The following MTOR variants were observed in gnomAD, a reference collection of about 807,000 sequenced individuals.
MTOR encodes serine/threonine-protein kinase mTOR.
In MTOR, 70 loss-of-function variants were observed where a neutral mutation model predicts 319.8. That is an observed-to-expected ratio of 0.22 (90% CI 0.18 to 0.27). MTOR has a LOEUF of 0.27. Ranked by LOEUF, MTOR falls within the 10% of genes least tolerant of loss-of-function variation. MTOR has a pLI of 1.00. For missense variants in MTOR, 1,890 were observed against 3,274.4 expected (o/e 0.58, Z 10.32); for synonymous variants, 1,183 against 1,211.4 (o/e 0.98, Z 0.49).
Position 11,237,970 on chromosome 1 carries a change from T to C in MTOR, c.2081A>G (p.Gln694Arg), listed in dbSNP as rs767294162. ...DAHLAQAENLQALFVALNDQV... is the reference protein window; with the variant it reads ...DAHLAQAENLRALFVALNDQV... The stretch of plus-strand genomic sequence containing the variant: ...GTCATTCAGAGCCACAAACAAGGCC[T>C]GCAAGTTCTCCGCCTGGGCCAGGTG... Residue 694 changes from glutamine (Q) to arginine (R), a missense_variant, in exon 13 of 58, where the codon CAG becomes CGG. Around this residue, in one of 15 missense-constraint regions of MTOR, gnomAD observed 377 missense variants for 653.9 expected, o/e 0.58. Transcript: ENST00000361445. The C allele has an allele frequency of 6.2e-7, 1 of 1,614,100 alleles. No homozygotes were observed. The highest frequency in any genetic ancestry group is 1.3e-5 in the African/African-American group (1 of 74,946).
intron 29 of MTOR, among the ~76,000 whole-genome samples, chr1:11,157,614 CAG>C (rs974135820): frequency 2.0e-5 from 3 of 152,086 alleles, no homozygotes; most frequent in African/African-American, 7.2e-5. Flanking sequence ...GACACGAGGA[CAG>C]GGGAAATCAT....
At chr1:11,118,172 C>A (rs1642274645) in intron 49 of MTOR, among the ~76,000 whole-genome samples, 1 of 149,678 alleles carries the variant, frequency 6.7e-6, no homozygotes, top group Admixed American at 6.7e-5. Context: ...ACAGTGTGGT[C>A]ATGGCTAGTC....
chr1:11,143,942 C>G (rs1401644557), intron 34 of MTOR: 1 of 152,190 alleles, frequency 6.6e-6, no homozygotes, highest in Non-Finnish European at 1.5e-5. Context: ...AGACTCCTGA[C>G]TCCCAGACCT....
chr1:11,114,743 A>G lies in MTOR; in HGVS notation c.7164+70T>C, dbSNP rs1642073893. 7 of 1,460,532 alleles carry G rather than the reference A, an allele frequency of 4.8e-6. No individual in the cohort carries two copies. The Admixed American group carries it at 7.0e-5, about 15-fold the overall frequency. The allele number at this position is 1,460,532 out of a possible 1,614,324, so 90.5% of individuals were successfully genotyped here. A position where few individuals can be genotyped will look rare whatever the true frequency, so the allele number is the denominator to read the frequency against. ...TTTGGAGAACTGATGGGCTCTAACA[A>G]GCGTGTTCTCAGAAGGCTGTAACTG... On this transcript the variant is annotated intron_variant, in intron 52 of 57. Coordinates refer to ENST00000361445, the MANE Select transcript of MTOR (RefSeq NM_004958.4).
chr1:11,201,336 G>A (rs1645962467), intron 26 of MTOR, among the ~76,000 whole-genome samples: 1 of 152,160 alleles, frequency 6.6e-6, no homozygotes, highest in Non-Finnish European at 1.5e-5. Flanking sequence ...CATCAGCTGA[G>A]TACATGATAT....
chr1:11,155,466 A>G (rs1475134637), intron 30 of MTOR, among the ~76,000 whole-genome samples: 11 of 152,178 alleles, frequency 7.2e-5, no homozygotes, highest in Non-Finnish European at 1.5e-4. Flanking sequence ...GAAGCAGGTC[A>G]TAACATCTAG....
At chr1:11,225,839 T>C (rs1646817896) in intron 19 of MTOR, among the ~76,000 whole-genome samples, 1 of 152,190 alleles carries the variant, frequency 6.6e-6, no homozygotes, top group Non-Finnish European at 1.5e-5. Flanking sequence ...AAGAGAACAG[T>C]GTGAACAATT....
chr1:11,196,857 A>G (rs1330109454), intron 28 of MTOR, among the ~76,000 whole-genome samples: 23 of 151,994 alleles, frequency 1.5e-4, no homozygotes, highest in Non-Finnish European at 2.9e-5. Flanking sequence ...TCTAAAAAAA[A>G]AAAAAAGAAA....
At chr1:11,166,939 A>G (rs909232715) in intron 29 of MTOR, among the ~76,000 whole-genome samples, 1 of 152,124 alleles carries the variant, frequency 6.6e-6, no homozygotes, top group Non-Finnish European at 1.5e-5. Flanking sequence ...GTTCATGTCC[A>G]TTGTAGGGAC....
At chr1:11,165,530 C>T (rs1421116667) in intron 29 of MTOR, among the ~76,000 whole-genome samples, 1 of 152,014 alleles carries the variant, frequency 6.6e-6, no homozygotes, top group Non-Finnish European at 1.5e-5. Context: ...AGGAATCCAA[C>T]TTACAAGGGA....
intron 23 of MTOR, 102 bp from the exon 24 acceptor site, chr1:11,211,008 G>C: frequency 1.5e-6 from 1 of 689,076 alleles, no homozygotes; most frequent in Non-Finnish European, 2.5e-6. Context: ...ATTTCTTCTG[G>C]GTTTGTGGCT....
At chr1:11,232,299 A>G in intron 16 of MTOR, 137 bp downstream of exon 16, 1 of 570,874 alleles carries the variant, frequency 1.8e-6, no homozygotes, top group East Asian at 2.7e-5. Flanking sequence ...TACTCATTCA[A>G]CAAATATTTT....
chr1:11,118,754 G>A (rs1221503720), intron 49 of MTOR, among the ~76,000 whole-genome samples: 1 of 151,662 alleles, frequency 6.6e-6, no homozygotes, highest in East Asian at 1.9e-4. Context: ...ATCCTCCTAA[G>A]TAGCTGGGAC....
At chr1:11,241,719 G>A in intron 9 of MTOR, 38 bp from the exon 10 acceptor site, 2 of 1,587,396 alleles carry the variant, frequency 1.3e-6, no homozygotes, top group Non-Finnish European at 1.7e-6. Context: ...GAGACATAAT[G>A]ACATTCTTTA....
chr1:11,198,961 T>C (rs575997742), intron 28 of MTOR, among the ~76,000 whole-genome samples: 2 of 152,250 alleles, frequency 1.3e-5, no homozygotes, highest in Admixed American at 6.5e-5. Context: ...AAACCTATCT[T>C]CCTAGGCTGC....
intron 36 of MTOR, among the ~76,000 whole-genome samples, chr1:11,136,304 G>C (rs1643414232): frequency 6.6e-6 from 1 of 152,106 alleles, no homozygotes; most frequent in South Asian, 2.1e-4. Context: ...ACAAACAATT[G>C]ATCAAGCAGC....
chr1:11,106,948 G>T lies in MTOR; in HGVS notation c.*537C>A. 7.3e-7 allele frequency: 1 copy of T among 1,370,448 alleles called. No homozygotes were observed. The highest frequency in any genetic ancestry group is 1.9e-4 in the Middle Eastern group (1 of 5,132). 84.9% of individuals were successfully genotyped at this position (1,370,448 alleles called of 1,614,324 possible). ...AGACAGACCTTTTGTACTCATTTTG[G>T]CCTATCTTGCAAACATTTCTGCTGC... On this transcript the variant is annotated 3_prime_UTR_variant, in exon 58 of 58. Transcript: ENST00000361445.
At chr1:11,252,335 G>A (rs546609771) in intron 6 of MTOR, among the ~76,000 whole-genome samples, 12 of 150,622 alleles carry the variant, frequency 8.0e-5, no homozygotes, top group South Asian at 2.1e-4. Context: ...CGGTCTCACC[G>A]TCTTTTGCCC....
rs765456066 is a variant in MTOR at position 11,240,358 on chromosome 1, G to A, written c.1731C>T (p.Ser577=). The A allele has an allele frequency of 3.5e-5, 57 of 1,610,952 alleles. No homozygotes were observed. The highest frequency in any genetic ancestry group is 1.2e-4 in the South Asian group (11 of 90,864). ...SPGLTTLPEA[S]DVGSITLALR... is the part of the protein sequence containing the mutation. ...GGGCAAGAGTGATGCTGCCCACATC[G>A]CTGGCCTCAGGGAGGGTCGTGAGGC... is the stretch of plus-strand genomic sequence containing the variant. The change falls in exon 11 of 58, where the codon AGC becomes AGT. Residue 577 remains serine, a synonymous_variant. Transcript: ENST00000361445.
Sources: allele counts gnomAD v4.1 joint callset (sites outside exome capture counted in the v4.1 genomes callset), GRCh38; gene constraint gnomAD v4.1.1; regional missense constraint gnomAD v4.1.1; transcripts MANE v1.5; gene names NCBI Gene and HGNC (gene_info 2026-07-23, HGNC 2026-07-21).